The following TRMT11 variants were observed in gnomAD, a reference collection of about 807,000 sequenced individuals.
TRMT11 encodes tRNA (guanine(10)-N(2))-methyltransferase TRMT11.
In TRMT11, 53 loss-of-function variants were observed where a neutral mutation model predicts 62.8. That is an observed-to-expected ratio of 0.84 (90% confidence interval 0.68 to 1.06). TRMT11 has a LOEUF of 1.06. Among genes scored for constraint, TRMT11 ranks in the 50% least tolerant of loss-of-function variants. The pLI is 0.00. For missense variants in TRMT11, 556 were observed against 553.4 expected (o/e 1.00, Z -0.05); for synonymous variants, 188 against 190.3 (o/e 0.99, Z 0.10).
At chr6:126,013,814 C>T (rs1794615950) in intron 11 of TRMT11, among the ~76,000 whole-genome samples, 1 of 152,084 alleles carries the variant, frequency 6.6e-6, no homozygotes, top group African/African-American at 2.4e-5. Context: ...TTTTGCCAGC[C>T]CTTATTGTAC....
At chr6:126,206,694 T>C (rs1778794860), downstream of TRMT11, among the ~76,000 whole-genome samples, 1 of 152,238 alleles carries the variant, frequency 6.6e-6, no homozygotes, top group South Asian at 2.1e-4. Context: ...CCCTTGGATT[T>C]GGTCTCTGTG....
At chr6:125,994,324 TC>T (rs1423866432) in intron 2 of TRMT11, among the ~76,000 whole-genome samples, 1 of 152,080 alleles carries the variant, frequency 6.6e-6, no homozygotes, top group African/African-American at 2.4e-5. Context: ...TTTTTTTTTT[TC>T]GTGTACTTTT....
intron 21 of TRMT11, among the ~76,000 whole-genome samples, chr6:126,170,705 T>C (rs1263529317): frequency 6.6e-6 from 1 of 152,174 alleles, no homozygotes; most frequent in African/African-American, 2.4e-5. Context: ...CTCCCGCTGA[T>C]CTGTGCCCTC....
intron 17 of TRMT11, among the ~76,000 whole-genome samples, chr6:126,091,259 G>C: frequency 6.6e-6 from 1 of 151,904 alleles, no homozygotes; most frequent in East Asian, 1.9e-4. Flanking sequence ...TTTAAGTTCA[G>C]CTTAAACGTT....
intron 21 of TRMT11, among the ~76,000 whole-genome samples, chr6:126,121,178 C>G (rs1036682702): frequency 2.0e-5 from 3 of 152,100 alleles, no homozygotes; most frequent in African/African-American, 4.8e-5. Context: ...GTGCCTTACT[C>G]AACTTTGTAT....
intron 21 of TRMT11, among the ~76,000 whole-genome samples, chr6:126,144,358 T>C (rs1777952077): frequency 6.6e-6 from 1 of 152,170 alleles, no homozygotes; most frequent in Admixed American, 6.6e-5. Context: ...CGTGAATTCA[T>C]TTCTCACTAA....
At chr6:126,050,329 C>CAAA (rs536546298) in intron 16 of TRMT11, among the ~76,000 whole-genome samples, 7 of 68,424 alleles carry the variant, frequency 1.0e-4, no homozygotes, top group Non-Finnish European at 2.2e-4. Flanking sequence ...GACTTCATCT[C>CAAA]AAAAAAAAAA....
intron 12 of TRMT11, among the ~76,000 whole-genome samples, chr6:126,024,422 G>A (rs1447369217): frequency 1.3e-5 from 2 of 152,004 alleles, no homozygotes; most frequent in African/African-American, 2.4e-5. Flanking sequence ...TTTTGTTTTG[G>A]ATTTAGACAG....
chr6:126,095,685 A>G (rs1777331685), intron 17 of TRMT11, among the ~76,000 whole-genome samples: 1 of 152,188 alleles, frequency 6.6e-6, no homozygotes, highest in African/African-American at 2.4e-5. Flanking sequence ...GAAACCAAAC[A>G]TATAAAAATG....
intron 21 of TRMT11, among the ~76,000 whole-genome samples, chr6:126,127,238 TGAG>T (rs1192003573): frequency 1.1e-4 from 16 of 151,972 alleles, no homozygotes; most frequent in Non-Finnish European, 2.4e-4. Context: ...GGCACCCATG[TGAG>T]GAGTAGTTGA....
the TRMT11 span, among the ~76,000 whole-genome samples, chr6:126,210,980 C>T: frequency 2.3e-5 from 3 of 131,696 alleles, no homozygotes; most frequent in Non-Finnish European, 3.2e-5. Context: ...ATAACATTCC[C>T]TTTTTTTTTT....
chr6:126,089,775 C>A lies in TRMT11; in HGVS notation c.*1438-23091C>A, dbSNP rs970584662. 2.0e-5 allele frequency among the ~76,000 whole-genome samples: 3 copies of A among 152,206 alleles called. No individual in the cohort carries two copies. The East Asian group carries it at 5.8e-4, about 29-fold the overall frequency. ...ATGTCTACTGTAATTGTGTTTGTAA[C>A]TTTCCACTAGAAAGTGTTTTGGATG... On this transcript the variant is annotated intron_variant and NMD_transcript_variant, in intron 17 of 22. Transcript: ENST00000648977.
chr6:126,236,655 G>A, the TRMT11 span, among the ~76,000 whole-genome samples: 8 of 152,062 alleles, frequency 5.3e-5, no homozygotes, highest in South Asian at 2.1e-4. Flanking sequence ...AGCTTACTAC[G>A]TATTTGTGTT....
chr6:126,258,121 G>C, the TRMT11 span: 1 of 877,454 alleles, frequency 1.1e-6, no homozygotes, highest in Non-Finnish European at 1.9e-6. Flanking sequence ...CAGTCGGGGA[G>C]TTGTGTCAGC....
chr6:126,214,499 T>A, the TRMT11 span, among the ~76,000 whole-genome samples: 1 of 152,056 alleles, frequency 6.6e-6, no homozygotes. Context: ...TCATTTCTTC[T>A]AGTTTTTCCA....
At chr6:126,096,141 CTTGG>C (rs1777337265) in intron 17 of TRMT11, among the ~76,000 whole-genome samples, 15 of 152,214 alleles carry the variant, frequency 9.9e-5, no homozygotes, top group Admixed American at 2.0e-4. Context: ...TTCTGTTTTT[CTTGG>C]AAGGTAACTT....
rs146222918 is a variant in TRMT11, at chr6:126,053,067, A to G, written c.*1370-56A>G. On this transcript the variant is annotated intron_variant and NMD_transcript_variant, in intron 16 of 22. Transcript: ENST00000648977. ...CTGATGCATTGGAACCTAAGGCTAG[A>G]CCTTGAAGTGTACCAAGTTCATCTC... Among the ~76,000 whole-genome samples, 1,196 of 150,992 alleles carry G rather than the reference A, an allele frequency of 7.9e-3. 13 individuals are homozygous for G. Among genetic ancestry groups the G allele is most frequent in the African/African-American group, 0.028 (1,156 of 41,222 alleles).
At chr6:126,173,720 G>C (rs1396303346), upstream of TRMT11, among the ~76,000 whole-genome samples, 1 of 152,224 alleles carries the variant, frequency 6.6e-6, no homozygotes, top group East Asian at 1.9e-4. Context: ...GCATCCTTCA[G>C]TGTGTTACAG....
intron 21 of TRMT11, among the ~76,000 whole-genome samples, chr6:126,168,769 G>A (rs956563298): frequency 1.2e-4 from 18 of 152,048 alleles, no homozygotes; most frequent in African/African-American, 4.1e-4. Context: ...TGCCAGCCTC[G>A]GCCTCCCAAA....
Sources: allele counts gnomAD v4.1 joint callset (sites outside exome capture counted in the v4.1 genomes callset), GRCh38; gene constraint gnomAD v4.1.1; transcripts MANE v1.5; gene names NCBI Gene and HGNC (gene_info 2026-07-23, HGNC 2026-07-21).